Variants in ANK3 observed in about 807,000 individuals in gnomAD.
The protein encoded by ANK3 is ankyrin 3.
A neutral mutation model predicts 370.9 loss-of-function variants in ANK3; 57 were observed. The ratio of observed to expected loss-of-function variants is 0.15; its 90% confidence interval spans 0.12 to 0.19. ANK3 has a LOEUF of 0.19. Ranked by LOEUF, ANK3 falls within the 10% of genes least tolerant of loss-of-function variation. The pLI is 1.00. For missense variants in ANK3, 4,439 were observed against 5,302.1 expected, an observed-to-expected ratio of 0.84 and a Z score of 5.06; for synonymous variants, 1,929 against 1,946.3, an observed-to-expected ratio of 0.99 and a Z score of 0.23.
chr10:60,518,592 T>G (rs919436102), intron 2 of ANK3, among the ~76,000 whole-genome samples: 6 of 152,178 alleles, frequency 3.9e-5, no homozygotes, highest in Non-Finnish European at 5.9e-5. Flanking sequence ...TAGGATACAG[T>G]GTACTCAGAA....
At position 60,075,082 on chromosome 10, in the gene ANK3, G is replaced by A; in HGVS notation, c.5799C>T (p.Leu1933=). 1 of 1,613,982 alleles carries A rather than the reference G, an allele frequency of 6.2e-7. No individual in the cohort carries two copies. The highest frequency in any genetic ancestry group is 2.2e-5 in the East Asian group (1 of 44,856). ...VPEEKPFQPE[L]PKEGRIDDEE... The stretch of plus-strand genomic sequence containing the variant: ...CATCATCTATTCTCCCTTCCTTTGG[G>A]AGTTCAGGTTGGAATGGCTTCTCCT... Residue 1933 remains leucine (L), a synonymous_variant, in exon 37 of 44, where the codon CTC becomes CTT. Transcript: ENST00000280772.
intron 1 of ANK3, among the ~76,000 whole-genome samples, chr10:60,326,793 G>C (rs527675397): frequency 6.6e-6 from 1 of 152,092 alleles, no homozygotes; most frequent in Non-Finnish European, 1.5e-5. Flanking sequence ...AGGCCGAGGC[G>C]GGCGGATCAC....
chr10:60,430,067 T>G (rs1243747043), intron 2 of ANK3, among the ~76,000 whole-genome samples: 1 of 152,166 alleles, frequency 6.6e-6, no homozygotes, highest in Non-Finnish European at 1.5e-5. Flanking sequence ...TTTTGGAAAT[T>G]TTACTTGAGC....
intron 2 of ANK3, among the ~76,000 whole-genome samples, chr10:60,541,172 G>A (rs1480479769): frequency 1.3e-5 from 2 of 151,898 alleles, no homozygotes; most frequent in South Asian, 2.1e-4. Context: ...AAATAAGCAC[G>A]TATGCGTGCA....
At chr10:60,369,384 C>A (rs762395934) in intron 1 of ANK3, among the ~76,000 whole-genome samples, 1 of 152,134 alleles carries the variant, frequency 6.6e-6, no homozygotes, top group African/African-American at 2.4e-5. Context: ...TTCAAGCTAA[C>A]GTTCTGGGCT....
chr10:60,126,974 G>A (rs536712071), intron 25 of ANK3, among the ~76,000 whole-genome samples: 1 of 152,136 alleles, frequency 6.6e-6, no homozygotes, highest in African/African-American at 2.4e-5. Flanking sequence ...TCCAGGGATG[G>A]GGGAAGACTG....
intron 2 of ANK3, among the ~76,000 whole-genome samples, chr10:60,579,948 C>T (rs777165518): frequency 1.4e-4 from 21 of 152,160 alleles, no homozygotes; most frequent in Non-Finnish European, 2.6e-4. Context: ...CTGGAGTTTA[C>T]CATTCATTAT....
chr10:60,647,420 T>C (rs2078723266), intron 1 of ANK3, among the ~76,000 whole-genome samples: 1 of 152,220 alleles, frequency 6.6e-6, no homozygotes, highest in South Asian at 2.1e-4. Flanking sequence ...CTACTGGCTA[T>C]TGCTTGAATT....
intron 21 of ANK3, among the ~76,000 whole-genome samples, chr10:60,169,270 C>T (rs374511214): frequency 1.3e-5 from 2 of 149,278 alleles, no homozygotes; most frequent in African/African-American, 5.0e-5. Context: ...TCATTGTGGT[C>T]TTGATTTGCA....
At chr10:60,119,720 CG>C (rs1332286335) in intron 25 of ANK3, among the ~76,000 whole-genome samples, 1 of 151,972 alleles carries the variant, frequency 6.6e-6, no homozygotes, top group Non-Finnish European at 1.5e-5. Context: ...CGCAGTGAGC[CG>C]AGATCGTGCC....
At chr10:60,128,527 G>T (rs1304956883) in intron 25 of ANK3, among the ~76,000 whole-genome samples, 2 of 151,950 alleles carry the variant, frequency 1.3e-5, no homozygotes, top group Admixed American at 1.3e-4. Flanking sequence ...TTACAGGCGT[G>T]CACCACTACC....
At chr10:60,641,677 C>T (rs1304074818) in intron 1 of ANK3, among the ~76,000 whole-genome samples, 1 of 151,964 alleles carries the variant, frequency 6.6e-6, no homozygotes, top group African/African-American at 2.4e-5. Context: ...CCATAAAAAC[C>T]CTAGAAGAAA....
chr10:60,196,775 C>A (rs2096593787), intron 14 of ANK3, 150 bp from the exon 15 acceptor site: 3 of 598,162 alleles, frequency 5.0e-6, no homozygotes, highest in South Asian at 2.2e-5. Flanking sequence ...TGATGATGAG[C>A]AGTGAAGTCT....
chr10:60,500,866 A>G (rs2075778188), intron 2 of ANK3, among the ~76,000 whole-genome samples: 2 of 152,300 alleles, frequency 1.3e-5, no homozygotes, highest in Non-Finnish European at 2.9e-5. Flanking sequence ...ACATACATAC[A>G]TAATATCATA....
intron 2 of ANK3, among the ~76,000 whole-genome samples, chr10:60,443,901 C>A (rs907069938): frequency 1.3e-5 from 2 of 152,112 alleles, no homozygotes; most frequent in African/African-American, 4.8e-5. Flanking sequence ...TATTTGGGAG[C>A]CCATGTCCAT....
chr10:60,517,551 C>T (rs530628109), intron 2 of ANK3, among the ~76,000 whole-genome samples: 28 of 152,014 alleles, frequency 1.8e-4, no homozygotes, highest in South Asian at 4.1e-4. Flanking sequence ...AAACAGCTAA[C>T]GAAATAAAAA....
intron 23 of ANK3, among the ~76,000 whole-genome samples, chr10:60,152,385 G>A (rs2095170612): frequency 6.6e-6 from 1 of 151,868 alleles, no homozygotes; most frequent in South Asian, 2.1e-4. Flanking sequence ...AGACCAATAT[G>A]GACTAAACAT....
Position 60,086,670 on chromosome 10 carries a change from A to G in ANK3, c.3748+7T>C, listed in dbSNP as rs1007297451. On this transcript the variant is annotated splice_region_variant and intron_variant, in intron 30 of 43. Coordinates refer to ENST00000280772, the MANE Select transcript of ANK3 (RefSeq NM_020987.5). The stretch of plus-strand genomic sequence containing the variant: ...CAATAGGAAGTACAGCAGTGACTTA[A>G]CCAAACCTGTAATGCTACAGAGAAG... 1.2e-6 allele frequency: 2 copies of G among 1,611,374 alleles called. 1 individual carries two copies. Among genetic ancestry groups the G allele is most frequent in the African/African-American group, 2.7e-5 (2 of 74,976 alleles).
chr10:60,304,211 A>G (rs933712093), intron 1 of ANK3, among the ~76,000 whole-genome samples: 10 of 151,508 alleles, frequency 6.6e-5, no homozygotes, highest in Non-Finnish European at 1.2e-4. Context: ...ACCATGCTTT[A>G]TTATACTTGA....
Sources: gnomAD v4.1 joint callset for allele counts (sites outside exome capture counted in the v4.1 genomes callset) on GRCh38, gnomAD v4.1.1 for gene constraint, MANE v1.5 for transcripts, NCBI Gene and HGNC (gene_info 2026-07-23, HGNC 2026-07-21) for gene names.